Variants in LANCL3 observed in about 807,000 individuals in gnomAD.
LANCL3 encodes lanC-like protein 3.
A neutral mutation model predicts 26.5 loss-of-function variants in LANCL3; 19 were observed. The observed-to-expected ratio is 0.72, with a 90% CI of 0.50 to 1.05. The LOEUF (loss-of-function observed/expected upper bound fraction) is 1.05, where lower values mean the gene tolerates loss of function less well. LANCL3 is among the 50% of genes least tolerant of loss of function. LANCL3 has a pLI of 0.00. For missense variants in LANCL3, 318 were observed against 362.7 expected, an observed-to-expected ratio of 0.88 and a Z score of 1.00; for synonymous variants, 160 against 166.6, an observed-to-expected ratio of 0.96 and a Z score of 0.30.
intron 1 of LANCL3, among the ~76,000 whole-genome samples, chrX:37,578,389 G>A (rs1270119444): frequency 3.6e-5 from 4 of 112,126 alleles, no homozygotes; most frequent in Non-Finnish European, 5.6e-5. Flanking sequence ...GCCATTTGGC[G>A]TCCCTTGGCA....
chrX:37,648,330 G>A (rs1385681813), intron 1 of LANCL3, among the ~76,000 whole-genome samples: 3 of 112,125 alleles, frequency 2.7e-5, no homozygotes, highest in Non-Finnish European at 5.6e-5. Context: ...TGTATCTTAA[G>A]CCAGTGCTTC....
intron 1 of LANCL3, among the ~76,000 whole-genome samples, chrX:37,581,931 G>C (rs181978729): frequency 0.049 from 5,285 of 108,251 alleles, 425 homozygotes; most frequent in African/African-American, 0.17. Flanking sequence ...TCCCTCCCCC[G>C]TCCCCACATC....
rs782004251 is a variant in LANCL3 at position 37,659,495 on chromosome X, T to A, written c.731T>A (p.Met244Lys). The A allele has an allele frequency of 8.3e-7, 1 of 1,211,083 alleles. No homozygotes were observed. Among genetic ancestry groups the A allele is most frequent in the Non-Finnish European group, 1.1e-6 (1 of 895,132 alleles). ...CACGGCTTGTCGTCTATTCTTCAGA[T>A]GCTTCTTTCTTACCATGAGCATCTC... Reference protein sequence around the residue: ...AAHGLSSILQMLLSYHEHLKP... With the variant: ...AAHGLSSILQKLLSYHEHLKP... The change falls in exon 3 of 5, where the codon ATG becomes AAG. Residue 244 changes from methionine to lysine, a missense_variant. Physicochemically the swap from Met to Lys is moderately conservative, Grantham distance 95. Coordinates refer to ENST00000378619, the MANE Select transcript of LANCL3 (RefSeq NM_001170331.2).
intron 1 of LANCL3, among the ~76,000 whole-genome samples, chrX:37,622,120 T>C (rs1043035851): frequency 1.8e-5 from 2 of 111,675 alleles, no homozygotes; most frequent in Non-Finnish European, 1.9e-5. Flanking sequence ...TTCCCTGGAA[T>C]CACAATTCTT....
intron 1 of LANCL3, among the ~76,000 whole-genome samples, chrX:37,629,997 G>A (rs1476677057): frequency 9.0e-6 from 1 of 111,630 alleles, no homozygotes; most frequent in African/African-American, 3.3e-5. Flanking sequence ...AAAGTCATTG[G>A]TAGCTTGATG....
chrX:37,636,162 G>A (rs1556425321), intron 1 of LANCL3, among the ~76,000 whole-genome samples: 2 of 112,259 alleles, frequency 1.8e-5, no homozygotes, highest in East Asian at 2.8e-4. Flanking sequence ...TTTCATGGCT[G>A]CATAGTATTC....
At chrX:37,653,640 G>A (rs1556429868) in intron 1 of LANCL3, among the ~76,000 whole-genome samples, 1 of 112,331 alleles carries the variant, frequency 8.9e-6, no homozygotes, top group East Asian at 2.8e-4. Context: ...CTAAACTTAA[G>A]ATCAGTTGGC....
intron 1 of LANCL3, among the ~76,000 whole-genome samples, chrX:37,642,561 C>CA (rs782361813): frequency 0.017 from 1,912 of 109,376 alleles, 39 homozygotes; most frequent in African/African-American, 0.061. Context: ...TCAAGGCAGC[C>CA]AAAAAAAAGG....
chrX:37,604,329 T>C (rs782724321), intron 1 of LANCL3, among the ~76,000 whole-genome samples: 84 of 112,370 alleles, frequency 7.5e-4, no homozygotes, highest in Non-Finnish European at 1.4e-3. Flanking sequence ...TATGAGGTGC[T>C]GTAAGAGGTT....
chrX:37,641,474 GA>G (rs1556425910), intron 1 of LANCL3, among the ~76,000 whole-genome samples: 2 of 110,211 alleles, frequency 1.8e-5, no homozygotes, highest in South Asian at 3.9e-4. Context: ...GTTATACACA[GA>G]AAAGGTACCA....
chrX:37,602,353 A>G (rs986198357), intron 1 of LANCL3, among the ~76,000 whole-genome samples: 4 of 111,809 alleles, frequency 3.6e-5, no homozygotes, highest in Non-Finnish European at 7.5e-5. Context: ...TGTCAGCTTA[A>G]TGAATCTCTA....
At chrX:37,663,028 G>A (rs1477015509) in intron 3 of LANCL3, among the ~76,000 whole-genome samples, 1 of 111,487 alleles carries the variant, frequency 9.0e-6, no homozygotes, top group Non-Finnish European at 1.9e-5. Flanking sequence ...GCCTGGTACA[G>A]CAATTAGACC....
intron 1 of LANCL3, among the ~76,000 whole-genome samples, chrX:37,630,082 G>A (rs1479687573): frequency 7.2e-5 from 8 of 111,514 alleles, no homozygotes; most frequent in African/African-American, 2.3e-4. Context: ...CTGCCCATGA[G>A]CATGGAATAT....
chrX:37,589,532 T>C (rs1345506008), intron 1 of LANCL3, among the ~76,000 whole-genome samples: 2 of 111,408 alleles, frequency 1.8e-5, no homozygotes, highest in East Asian at 5.7e-4. Context: ...GATGAGACAG[T>C]GTAACTGCAT....
chrX:37,598,891 G>A (rs782572115), intron 1 of LANCL3, among the ~76,000 whole-genome samples: 67 of 112,346 alleles, frequency 6.0e-4, no homozygotes, highest in Non-Finnish European at 8.1e-4. Context: ...TGAAGGTTTT[G>A]ATGCACATGC....
chrX:37,659,150 G>A (rs1369538374), intron 2 of LANCL3, among the ~76,000 whole-genome samples: 4 of 112,432 alleles, frequency 3.6e-5, no homozygotes, highest in African/African-American at 1.3e-4. Flanking sequence ...TCAGCTTTCT[G>A]GGCCGTATGG....
At chrX:37,595,940 T>A (rs1924416487) in intron 1 of LANCL3, among the ~76,000 whole-genome samples, 1 of 111,982 alleles carries the variant, frequency 8.9e-6, no homozygotes, top group African/African-American at 3.2e-5. Flanking sequence ...CACTTTAATT[T>A]TATATTAATG....
intron 1 of LANCL3, among the ~76,000 whole-genome samples, chrX:37,633,191 A>G (rs1280875145): frequency 3.8e-5 from 4 of 105,083 alleles, no homozygotes; most frequent in Non-Finnish European, 5.9e-5. Context: ...TTCCCTTCTC[A>G]CTTCATTTCA....
At chrX:37,654,772 A>T (rs781935182) in intron 1 of LANCL3, among the ~76,000 whole-genome samples, 9 of 112,148 alleles carry the variant, frequency 8.0e-5, no homozygotes, top group Non-Finnish European at 1.1e-4. Flanking sequence ...AAGGATACCA[A>T]AATTATGAGG....
Sources: allele counts gnomAD v4.1 joint callset (sites outside exome capture counted in the v4.1 genomes callset), GRCh38; gene constraint gnomAD v4.1.1; transcripts MANE v1.5; gene names NCBI Gene and HGNC (gene_info 2026-07-23, HGNC 2026-07-21).